MSI1: variants seen among roughly 807,000 people sequenced by gnomAD.
MSI1 encodes musashi RNA binding protein 1, also known as RNA-binding protein Musashi homolog 1.
In MSI1, 15 loss-of-function variants were observed where a neutral mutation model predicts 54.4. That is an observed-to-expected ratio of 0.28 (90% CI 0.18 to 0.42). MSI1 has a LOEUF of 0.42. Among genes scored for constraint, MSI1 ranks in the 20% least tolerant of loss-of-function variants. The pLI is 1.00. For synonymous variants in MSI1, 200 were observed against 196.5 expected, an observed-to-expected ratio of 1.02 and a Z score of -0.15; for missense variants, 304 against 506.0, an observed-to-expected ratio of 0.60 and a Z score of 3.83.
intron 8 of MSI1, among the ~76,000 whole-genome samples, chr12:120,357,323 G>A (rs1347715693): frequency 6.6e-6 from 1 of 152,120 alleles, no homozygotes; most frequent in Non-Finnish European, 1.5e-5. Flanking sequence ...ATTAACTACC[G>A]TGTGACACTG....
intron 11 of MSI1, 72 bp from the exon 12 acceptor site, chr12:120,347,586 T>C: frequency 6.9e-6 from 11 of 1,586,534 alleles, no homozygotes; most frequent in Non-Finnish European, 8.6e-6. Context: ...CCCCTACCTT[T>C]TAGGCAGAGC....
Position 120,341,664 on chromosome 12 carries a change from A to G in MSI1, c.*1463T>C, listed in dbSNP as rs956574590. The G allele has an allele frequency of 6.6e-6, 1 of 152,412 alleles. No homozygotes were observed. Among genetic ancestry groups the G allele is most frequent in the Admixed American group, 6.6e-5 (1 of 15,266 alleles). 9.4% of individuals were successfully genotyped at this position (152,412 alleles called of 1,614,324 possible). A position where few individuals can be genotyped will look rare whatever the true frequency, so the allele number is the denominator to read the frequency against. The stretch of plus-strand genomic sequence containing the variant: ...TATTAGGAAACATTAAAAAAAAAAA[A>G]AACCCAAAACACGAACAGCCGCGCA... On this transcript the variant is annotated 3_prime_UTR_variant, in exon 15 of 15. Transcript: ENST00000257552.
At chr12:120,345,076 C>T (rs1303109850) in intron 14 of MSI1, among the ~76,000 whole-genome samples, 4 of 149,432 alleles carry the variant, frequency 2.7e-5, no homozygotes, top group Non-Finnish European at 5.9e-5. Flanking sequence ...TTGTGGCCTG[C>T]GCTGGTGGCT....
At chr12:120,364,683 G>A in intron 5 of MSI1, 31 bp downstream of exon 5, 2 of 1,566,594 alleles carry the variant, frequency 1.3e-6, no homozygotes, top group Non-Finnish European at 1.7e-6. Flanking sequence ...CCCATAGTAA[G>A]AGAGCTCCTC....
chr12:120,368,976 G>T lies in MSI1; in HGVS notation c.59+57C>A. 1.8e-6 allele frequency: 2 copies of T among 1,141,506 alleles called. No individual in the cohort carries two copies. Among genetic ancestry groups the T allele is most frequent in the Non-Finnish European group, 2.2e-6 (2 of 926,494 alleles). 70.7% of individuals were successfully genotyped at this position (1,141,506 alleles called of 1,614,324 possible). On this transcript the variant is annotated intron_variant, in intron 1 of 14. Transcript: ENST00000257552. The surrounding 1 kb of genome is among the most constrained non-coding windows in gnomAD (Gnocchi z 6.6). ...GGGGAGGCCCGGCCGGACCCGGATC[G>T]GCCATGTTGGCGGGGCCGGGGCGGG...
At chr12:120,364,809 G>A in intron 4 of MSI1, 54 bp from the exon 5 acceptor site, 3 of 1,530,466 alleles carry the variant, frequency 2.0e-6, no homozygotes, top group Non-Finnish European at 2.7e-6. Context: ...TTTTAGAAGA[G>A]CGACCACACA....
chr12:120,361,679 C>A (rs1472890525), intron 6 of MSI1, among the ~76,000 whole-genome samples: 1 of 151,032 alleles, frequency 6.6e-6, no homozygotes, highest in Non-Finnish European at 1.5e-5. Flanking sequence ...GCAGCCATGG[C>A]GGCTGACCAT....
intron 14 of MSI1, 26 bp downstream of exon 14, chr12:120,345,544 C>T: frequency 1.2e-6 from 2 of 1,608,816 alleles, no homozygotes; most frequent in Non-Finnish European, 1.7e-6. Flanking sequence ...TGCCACCCCA[C>T]CACCTGCCCA....
At position 120,358,986 on chromosome 12, in the gene MSI1, G is replaced by C. The variant is rs1363429449; in HGVS notation, c.451+19C>G. The C allele has an allele frequency of 5.7e-6, 9 of 1,565,998 alleles. No homozygotes were observed. The highest frequency in any genetic ancestry group is 7.8e-6 in the Non-Finnish European group (9 of 1,155,296). ...GACCACGGGGCCCAGCCTGGGAAGG[G>C]GGAGGGGGCCACACTCACCTCGGTG... is the stretch of plus-strand genomic sequence containing the variant. On this transcript the variant is annotated intron_variant, in intron 7 of 14. Coordinates refer to ENST00000257552, the MANE Select transcript of MSI1 (RefSeq NM_002442.4).
At chr12:120,349,199 G>C in intron 11 of MSI1, among the ~76,000 whole-genome samples, 1 of 150,802 alleles carries the variant, frequency 6.6e-6, no homozygotes, top group East Asian at 2.0e-4. Flanking sequence ...GGATTCAAGT[G>C]ATTCTCCTGG....
In MSI1 at chr12:120,368,598, G is replaced by A. The variant is rs1876180441; in HGVS notation, c.100+235C>T. Among the ~76,000 whole-genome samples, 1 of 151,918 alleles carries A rather than the reference G, an allele frequency of 6.6e-6. No individual in the cohort carries two copies. The highest frequency in any genetic ancestry group is 1.5e-5 in the Non-Finnish European group (1 of 67,920). ...GCGCTGCCGCCGGCGGGTCCCGGGG[G>A]CCCAGCCCACCCCCCGATACCCCCT... On this transcript the variant is annotated intron_variant, in intron 2 of 14. Transcript: ENST00000257552. This position sits in a 1 kb window ranked among gnomAD's most constrained non-coding sequence, Gnocchi z 6.6.
chr12:120,356,851 C>T (rs752902077), intron 9 of MSI1, 51 bp downstream of exon 9: 31 of 1,535,072 alleles, frequency 2.0e-5, no homozygotes, highest in Non-Finnish European at 2.8e-5. Flanking sequence ...CCCTGCTAGT[C>T]CTGGGAGCAG....
At chr12:120,344,643 G>C (rs1873959591) in intron 14 of MSI1, among the ~76,000 whole-genome samples, 1 of 152,032 alleles carries the variant, frequency 6.6e-6, no homozygotes, top group Admixed American at 6.6e-5. Context: ...AGGAGTTCCA[G>C]GCTGCAGCGA....
chr12:120,368,306 G>T lies in MSI1; in HGVS notation c.101-33C>A. 1 of 1,527,378 alleles carries T rather than the reference G, an allele frequency of 6.5e-7. No individual in the cohort carries two copies. The allele number at this position is 1,527,378 out of a possible 1,614,324, so 94.6% of individuals were successfully genotyped here. A position where few individuals can be genotyped will look rare whatever the true frequency, so the allele number is the denominator to read the frequency against. On this transcript the variant is annotated intron_variant, in intron 2 of 14. Transcript: ENST00000257552. The surrounding 1 kb of genome is among the most constrained non-coding windows in gnomAD (Gnocchi z 6.6). ...CACACACCCGCCTTCGGACCAGCCC[G>T]GGCCCCGCGCCCTTCCCCCCCCCCC...
intron 11 of MSI1, among the ~76,000 whole-genome samples, chr12:120,351,078 C>T (rs1350861692): frequency 6.6e-6 from 1 of 152,042 alleles, no homozygotes; most frequent in African/African-American, 2.4e-5. Context: ...GAGCCTGGCA[C>T]ACGAGAGGTG....
chr12:120,367,242 C>G (rs1876070874), intron 4 of MSI1, among the ~76,000 whole-genome samples: 1 of 152,052 alleles, frequency 6.6e-6, no homozygotes, highest in African/African-American at 2.4e-5. Flanking sequence ...ACTATCCCTG[C>G]CCCCAGCAGA....
Position 120,357,025 on chromosome 12 carries a change from A to G in MSI1, c.535-6T>C, listed in dbSNP as rs1251678485. On this transcript the variant is annotated splice_region_variant and splice_polypyrimidine_tract_variant and intron_variant, in intron 8 of 14. Transcript: ENST00000257552. ...TGAGCTTTCTTACATTCCACCTGCA[A>G]TGAGACCTGGCGGTTAGTCTTTCCC... is the stretch of plus-strand genomic sequence containing the variant. 6.2e-7 allele frequency: 1 copy of G among 1,613,222 alleles called. No homozygotes were observed. Among genetic ancestry groups the G allele is most frequent in the South Asian group, 1.1e-5 (1 of 91,076 alleles).
At chr12:120,347,615 C>A in intron 11 of MSI1, 101 bp from the exon 12 acceptor site, 2 of 1,423,924 alleles carry the variant, frequency 1.4e-6, no homozygotes, top group Non-Finnish European at 2.0e-6. Flanking sequence ...CCTGGCCCTA[C>A]CTCAGAGGGT....
intron 6 of MSI1, among the ~76,000 whole-genome samples, chr12:120,361,769 C>G (rs1875669941): frequency 6.6e-6 from 1 of 151,718 alleles, no homozygotes; most frequent in African/African-American, 2.4e-5. Context: ...CGGCTGTCCC[C>G]CTCGCTCCCT....
Sources: allele counts gnomAD v4.1 joint callset (sites outside exome capture counted in the v4.1 genomes callset), GRCh38; gene constraint gnomAD v4.1.1; non-coding constraint Gnocchi (gnomAD v3.1); transcripts MANE v1.5; gene names NCBI Gene and HGNC (gene_info 2026-07-23, HGNC 2026-07-21).